The following ITGB5 variants were observed in gnomAD, a reference collection of about 807,000 sequenced individuals.
The protein encoded by ITGB5 is integrin beta-5.
Under a neutral mutation model 84.8 loss-of-function variants are expected in ITGB5, and 38 were observed. The ratio of observed to expected loss-of-function variants is 0.45; its 90% CI spans 0.35 to 0.59. ITGB5 has a LOEUF of 0.59. ITGB5 is among the 20% of genes least tolerant of loss of function. ITGB5 has a pLI of 0.01. For missense variants in ITGB5, 905 were observed against 1,034.5 expected, an observed-to-expected ratio of 0.87 and a Z score of 1.72; for synonymous variants, 393 against 414.4, an observed-to-expected ratio of 0.95 and a Z score of 0.63.
chr3:124,869,438 T>C (rs1416484237), intron 2 of ITGB5, among the ~76,000 whole-genome samples: 2 of 152,110 alleles, frequency 1.3e-5, no homozygotes, highest in Non-Finnish European at 2.9e-5. Flanking sequence ...TAGCCAGGTA[T>C]GGTGGCACGC....
chr3:124,822,953 TGAG>T (rs1239700345), intron 5 of ITGB5, among the ~76,000 whole-genome samples: 7 of 150,504 alleles, frequency 4.7e-5, no homozygotes, highest in Admixed American at 4.0e-4. Flanking sequence ...CTGGAAAAAA[TGAG>T]GAGGACACTT....
At chr3:124,851,786 T>C (rs1220558821) in intron 3 of ITGB5, among the ~76,000 whole-genome samples, 1 of 152,142 alleles carries the variant, frequency 6.6e-6, no homozygotes, top group Non-Finnish European at 1.5e-5. Flanking sequence ...TATACTTGAT[T>C]TTAAATGCCA....
At chr3:124,861,495 T>TATACACACACACACAC (rs750712591) in intron 2 of ITGB5, among the ~76,000 whole-genome samples, 130 of 111,992 alleles carry the variant, frequency 1.2e-3, no homozygotes, top group African/African-American at 4.5e-3. Flanking sequence ...TATATATATA[T>TATACACACACACACAC]ACACACACAC....
chr3:124,865,986 T>C (rs1430485352), intron 2 of ITGB5, among the ~76,000 whole-genome samples: 8 of 152,006 alleles, frequency 5.3e-5, no homozygotes, highest in Admixed American at 5.2e-4. Flanking sequence ...AACACCTGAC[T>C]CCATATATAT....
chr3:124,773,340 G>A (rs528598037), intron 11 of ITGB5, among the ~76,000 whole-genome samples: 2 of 152,326 alleles, frequency 1.3e-5, no homozygotes, highest in South Asian at 4.1e-4. Flanking sequence ...TCCTGTGAAA[G>A]CACACAATAG....
chr3:124,887,891 C>A, upstream of ITGB5: 1 of 241,666 alleles, frequency 4.1e-6, no homozygotes, highest in Non-Finnish European at 8.6e-6. Flanking sequence ...CGTGGAGGCA[C>A]AAGTAAAACC....
chr3:124,800,882 T>A (rs1404076169), intron 9 of ITGB5, among the ~76,000 whole-genome samples: 2 of 152,232 alleles, frequency 1.3e-5, no homozygotes, highest in African/African-American at 4.8e-5. Flanking sequence ...TTTCCATTCA[T>A]TCGCTCTGAG....
chr3:124,794,831 GGGAGGAGAAGGA>G (rs1322732994), intron 10 of ITGB5, among the ~76,000 whole-genome samples: 2 of 151,348 alleles, frequency 1.3e-5, no homozygotes, highest in African/African-American at 4.9e-5. Context: ...GAAGGGAGAA[GGGAGGAGAAGGA>G]GGAGGAGAAG....
intron 10 of ITGB5, among the ~76,000 whole-genome samples, chr3:124,784,016 G>A (rs2064044086): frequency 6.6e-6 from 1 of 152,054 alleles, no homozygotes; most frequent in African/African-American, 2.4e-5. Flanking sequence ...GGACTACATG[G>A]GGCATTCTGT....
intron 10 of ITGB5, chr3:124,787,615 G>A (rs976608121): frequency 6.6e-6 from 1 of 152,258 alleles, no homozygotes; most frequent in African/African-American, 2.4e-5. Flanking sequence ...TGTTGAATGA[G>A]ATGAATGCAG....
At chr3:124,821,594 G>A in intron 5 of ITGB5, 120 bp from the exon 6 acceptor site, 1 of 1,080,730 alleles carries the variant, frequency 9.3e-7, no homozygotes, top group Admixed American at 1.9e-5. Context: ...CCCTTGCCAT[G>A]TGTACCTGGG....
intron 1 of ITGB5, among the ~76,000 whole-genome samples, chr3:124,884,957 T>A (rs1463332766): frequency 1.3e-5 from 2 of 152,014 alleles, no homozygotes; most frequent in Non-Finnish European, 2.9e-5. Flanking sequence ...AAGATGCAAG[T>A]GGAAAATAAT....
At chr3:124,771,158 A>G in intron 11 of ITGB5, among the ~76,000 whole-genome samples, 1 of 152,116 alleles carries the variant, frequency 6.6e-6, no homozygotes, top group African/African-American at 2.4e-5. Context: ...TAAGTTGTTT[A>G]GAGACACTTT....
chr3:124,794,432 C>T lies in ITGB5; in HGVS notation c.1693+1956G>A, dbSNP rs961622096. 1.4e-4 allele frequency among the ~76,000 whole-genome samples: 22 copies of T among 152,164 alleles called. 1 individual carries two copies. The highest frequency in any genetic ancestry group is 4.6e-4 in the African/African-American group (19 of 41,440). The stretch of plus-strand genomic sequence containing the variant: ...AATAAAATAAATTAAAAGCCTCAAA[C>T]TTTTGGTAGTGAAGTTAAAAACCAG... On this transcript the variant is annotated intron_variant, in intron 10 of 14. Transcript: ENST00000296181.
intron 11 of ITGB5, among the ~76,000 whole-genome samples, chr3:124,771,382 G>A (rs950367742): frequency 2.0e-5 from 3 of 152,076 alleles, no homozygotes; most frequent in African/African-American, 4.8e-5. Context: ...AAAGGACTTC[G>A]TTTAAAAAGA....
At chr3:124,798,662 G>C (rs2064270689) in intron 9 of ITGB5, among the ~76,000 whole-genome samples, 1 of 152,212 alleles carries the variant, frequency 6.6e-6, no homozygotes, top group Admixed American at 6.5e-5. Flanking sequence ...CTGACCTGAA[G>C]TGATCCACCC....
At chr3:124,780,413 C>A (rs904703715) in intron 10 of ITGB5, among the ~76,000 whole-genome samples, 1 of 152,200 alleles carries the variant, frequency 6.6e-6, no homozygotes, top group Non-Finnish European at 1.5e-5. Flanking sequence ...ACCAGGCAGA[C>A]GTCAGGCCCT....
chr3:124,883,039 C>T (rs554306899), intron 1 of ITGB5, among the ~76,000 whole-genome samples: 5 of 152,290 alleles, frequency 3.3e-5, no homozygotes, highest in South Asian at 4.1e-4. Context: ...AAACAAACCA[C>T]GGCAGTCAGT....
chr3:124,895,942 C>G (rs1935092865), intron 1 of ITGB5, among the ~76,000 whole-genome samples: 1 of 152,210 alleles, frequency 6.6e-6, no homozygotes, highest in Admixed American at 6.5e-5. Flanking sequence ...AAGTGAAGGG[C>G]CTGGTCCCTG....
Sources: gnomAD v4.1 joint callset for allele counts (sites outside exome capture counted in the v4.1 genomes callset) on GRCh38, gnomAD v4.1.1 for gene constraint, MANE v1.5 for transcripts, NCBI Gene and HGNC (gene_info 2026-07-23, HGNC 2026-07-21) for gene names.